Variants in TICRR observed in about 807,000 individuals in gnomAD.
The protein encoded by TICRR is treslin.
A neutral mutation model predicts 178.1 loss-of-function variants in TICRR; 132 were observed. That is an observed-to-expected ratio of 0.74 (90% CI 0.64 to 0.86). The LOEUF (loss-of-function observed/expected upper bound fraction) is 0.86. Ranked by LOEUF, TICRR falls within the 40% of genes least tolerant of loss-of-function variation. The pLI, the probability that TICRR is intolerant of heterozygous loss-of-function variation, is 0.00. For synonymous variants in TICRR, 991 were observed against 900.7 expected (o/e 1.10, Z -1.79); for missense variants, 2,587 against 2,334.3 (o/e 1.11, Z -2.23).
At chr15:89,601,591 T>G in intron 11 of TICRR, 23 bp downstream of exon 11, 1 of 1,613,042 alleles carries the variant, frequency 6.2e-7, no homozygotes, top group Non-Finnish European at 8.5e-7. Flanking sequence ...GTTACTAACT[T>G]AACTTTAAAA....
At position 89,576,852 on chromosome 15, in the gene TICRR, T is replaced by C. The variant is rs1481818144; in HGVS notation, c.654+612T>C. On this transcript the variant is annotated intron_variant, in intron 1 of 21. Coordinates refer to ENST00000268138, the MANE Select transcript of TICRR (RefSeq NM_152259.4). ...ATATATATATATATATATATATATA[T>C]ATATATATACACACACACACATATA... Among the ~76,000 whole-genome samples, 291 of 69,016 alleles carry C rather than the reference T, an allele frequency of 4.2e-3. 1 individual carries two copies. Among genetic ancestry groups the C allele is most frequent in the African/African-American group, 0.012 (274 of 22,544 alleles). The allele number at this position is 69,016 out of a possible 152,430, so 45.3% of individuals were successfully genotyped here.
intron 15 of TICRR, among the ~76,000 whole-genome samples, chr15:89,613,173 C>T (rs529971413): frequency 1.3e-5 from 2 of 152,206 alleles, no homozygotes; most frequent in Non-Finnish European, 2.9e-5. Context: ...GATGATTTCT[C>T]CTCATTTTTG....
In TICRR at chr15:89,625,964, G is replaced by C. The variant is rs745875002; in HGVS notation, c.5505G>C (p.Val1835=). 2 of 1,597,862 alleles carry C rather than the reference G, an allele frequency of 1.3e-6. No homozygotes were observed. The highest frequency in any genetic ancestry group is 2.3e-5 in the South Asian group (2 of 87,602). Residue 1835 remains valine (V), a synonymous_variant, in exon 21 of 22, where the codon GTG becomes GTC. Coordinates refer to ENST00000268138, the MANE Select transcript of TICRR (RefSeq NM_152259.4). ...CCACCCCACCTCCCAGCTGTGCCGT[G>C]CGGAGCTGCCTCTCTGCCAGTGCCC... is the stretch of plus-strand genomic sequence containing the variant. The part of the protein sequence containing the change: ...SGSTPPPSCA[V]RSCLSASALQ...
In TICRR at chr15:89,624,473, CCT is replaced by C. The variant is rs1963479123; in HGVS notation, c.4166_4167del (p.Ser1389Ter). 1 of 1,614,178 alleles carries C rather than the reference CCT, an allele frequency of 6.2e-7. No homozygotes were observed. Among genetic ancestry groups the C allele is most frequent in the Non-Finnish European group, 8.5e-7 (1 of 1,180,050 alleles). ...AAAGTTGGGAAACGGTGTAGAAAGA[CCT>C]CTGATCCCAGAAGGAGCATCGTGGA... On this transcript the variant is annotated frameshift_variant, in exon 20 of 22. Transcript: ENST00000268138. LOFTEE classifies it high-confidence loss of function.
Position 89,599,379 on chromosome 15 carries a change from T to C in TICRR, c.1956T>C (p.Thr652=), listed in dbSNP as rs764204327. The change falls in exon 8 of 22, where the codon ACT becomes ACC. Residue 652 remains threonine, a synonymous_variant. Transcript: ENST00000268138. The part of the protein sequence containing the change: ...LSYIRENYQK[T]VATGEIMLYA... ...ATATACGTGAAAATTACCAAAAGAC[T>C]GTGGCCACAGGAGAAATCATGTTGT... is the stretch of plus-strand genomic sequence containing the variant. 12 of 1,613,614 alleles carry C rather than the reference T, an allele frequency of 7.4e-6. No homozygotes were observed. The South Asian group carries it at 7.7e-5, about 10-fold the overall frequency.
intron 18 of TICRR, 43 bp from the exon 19 acceptor site, chr15:89,621,350 A>T: frequency 6.4e-7 from 1 of 1,573,652 alleles, no homozygotes; most frequent in Non-Finnish European, 8.6e-7. Context: ...GAAGAACAGG[A>T]ATTGAGAAAG....
At chr15:89,594,281 AT>A in intron 5 of TICRR, 133 bp from the exon 6 acceptor site, 1 of 675,038 alleles carries the variant, frequency 1.5e-6, no homozygotes, top group Non-Finnish European at 2.4e-6. Flanking sequence ...CTAAGAAAAT[AT>A]ATTTTTGAAG....
In TICRR at chr15:89,592,038, C is replaced by T. The variant is rs1962922196; in HGVS notation, c.1412-9C>T. The T allele has an allele frequency of 6.2e-7, 1 of 1,601,190 alleles. No individual in the cohort carries two copies. The highest frequency in any genetic ancestry group is 2.2e-5 in the East Asian group (1 of 44,724). On this transcript the variant is annotated splice_polypyrimidine_tract_variant and intron_variant, in intron 4 of 21. Coordinates refer to ENST00000268138, the MANE Select transcript of TICRR (RefSeq NM_152259.4). ...TTCCTCTCCTGCCGCTGCTCCTTTG[C>T]TCCAATAGCTTCTCCTGTTCCAGAG...
At position 89,575,635 on chromosome 15, in the gene TICRR, G is replaced by A. The variant is rs745870790; in HGVS notation, c.49G>A (p.Ala17Thr). 2 of 1,547,690 alleles carry A rather than the reference G, an allele frequency of 1.3e-6. No individual in the cohort carries two copies. The highest frequency in any genetic ancestry group is 2.3e-5 in the South Asian group (2 of 85,114). The change falls in exon 1 of 22, where the codon GCC (alanine) becomes ACC (threonine). Residue 17 changes from alanine to threonine, a missense_variant. Physicochemically the swap from Ala to Thr is moderately conservative, Grantham distance 58. Coordinates refer to ENST00000268138, the MANE Select transcript of TICRR (RefSeq NM_152259.4). The stretch of plus-strand genomic sequence containing the variant: ...GCTGCTGCTGGACACCGCGGGCGGC[G>A]CCGCCCGCCACAGCCGGGTCCGGCG... ...VMLLLDTAGG[A>T]ARHSRVRRAA...
intron 13 of TICRR, 149 bp downstream of exon 13, chr15:89,603,041 A>G (rs1963121888): frequency 2.4e-6 from 1 of 420,264 alleles, no homozygotes; most frequent in East Asian, 3.7e-5. Flanking sequence ...AGGAATAAAG[A>G]AATATAAACT....
rs938198813 is a variant in TICRR, at chr15:89,624,459, A to C, written c.4149A>C (p.Lys1383Asn). Residue 1383 changes from lysine (K) to asparagine (N), a missense_variant, in exon 20 of 22, where the codon AAA becomes AAC. Transcript: ENST00000268138. Reference protein sequence around the residue: ...VPPPPPSKVGKRCRKTSDPRR... With the variant: ...VPPPPPSKVGNRCRKTSDPRR... ...CTCCACCCCCTTCTAAAGTTGGGAA[A>C]CGGTGTAGAAAGACCTCTGATCCCA... 9 of 1,614,042 alleles carry C rather than the reference A, an allele frequency of 5.6e-6. No homozygotes were observed. The African/African-American group carries it at 6.7e-5, about 12-fold the overall frequency.
chr15:89,593,595 A>G (rs1286922473), intron 5 of TICRR, among the ~76,000 whole-genome samples: 2 of 152,214 alleles, frequency 1.3e-5, no homozygotes, highest in African/African-American at 2.4e-5. Flanking sequence ...AGTCCCAGCT[A>G]CTTGGGAGGC....
chr15:89,602,022 C>A (rs758049843), intron 12 of TICRR, 46 bp downstream of exon 12: 2 of 1,603,084 alleles, frequency 1.2e-6, no homozygotes, highest in Non-Finnish European at 8.5e-7. Context: ...TGTTATAGTT[C>A]TGATAAAAGA....
rs1364629654 is a variant in TICRR, at chr15:89,575,591, C to G, written c.5C>G (p.Ala2Gly). 7 of 1,491,274 alleles carry G rather than the reference C, an allele frequency of 4.7e-6. No individual in the cohort carries two copies. In the South Asian group the frequency reaches 9.3e-5, roughly 20 times the overall value. The allele number at this position is 1,491,274 out of a possible 1,614,324, so 92.4% of individuals were successfully genotyped here. A position where few individuals can be genotyped will look rare whatever the true frequency, so the allele number is the denominator to read the frequency against. Residue 2 changes from alanine (A) to glycine (G), a missense_variant, in exon 1 of 22, where the codon GCA (alanine) becomes GGA (glycine). Physicochemically the swap from Ala to Gly is moderately conservative, Grantham distance 60 (BLOSUM62 0). Transcript: ENST00000268138. M[A>G]CCHKVMLLLD... ...CGGGGCGGCGGCACGGCCGATATGGCATGCTGTCACAAAGTAATGCTGCTG... is the reference window on the plus strand; with the variant it reads ...CGGGGCGGCGGCACGGCCGATATGGGATGCTGTCACAAAGTAATGCTGCTG...
At chr15:89,596,145 G>C (rs1962994651) in intron 7 of TICRR, among the ~76,000 whole-genome samples, 1 of 152,100 alleles carries the variant, frequency 6.6e-6, no homozygotes, top group South Asian at 2.1e-4. Context: ...TTTTGACAAA[G>C]ATGCCCCAAT....
intron 1 of TICRR, 139 bp from the exon 2 acceptor site, chr15:89,582,546 AT>A (rs1962746086): frequency 5.2e-6 from 4 of 762,986 alleles, no homozygotes; most frequent in Non-Finnish European, 8.3e-6. Flanking sequence ...CATTATTTCT[AT>A]TTAGCTCAGC....
In TICRR at chr15:89,601,361, T is replaced by C. The variant is rs753366310; in HGVS notation, c.2217T>C (p.Ser739=). 2 of 1,614,058 alleles carry C rather than the reference T, an allele frequency of 1.2e-6. No individual in the cohort carries two copies. Among genetic ancestry groups the C allele is most frequent in the African/African-American group, 1.3e-5 (1 of 74,924 alleles). Reference sequence around the variant, plus strand: ...TGCAATGCCCTTCAATAAATGAAAGTACAGATGATATGGAACAAGTAGTGG... The same window carrying C: ...TGCAATGCCCTTCAATAAATGAAAGCACAGATGATATGGAACAAGTAGTGG... ...MCLQCPSINE[S]TDDMEQVVEE... The change falls in exon 10 of 22, where the codon AGT becomes AGC. Residue 739 remains serine, a synonymous_variant. Transcript: ENST00000268138.
rs1963538053 is a variant in TICRR at position 89,626,904 on chromosome 15, C to T, written c.5603-52C>T. ...CTCTGCAATTTAAGCCAATTTTTTTCAGTTCGGTCCTCTGTGACTCCTGCA... is the reference window on the plus strand; with the variant it reads ...CTCTGCAATTTAAGCCAATTTTTTTTAGTTCGGTCCTCTGTGACTCCTGCA... On this transcript the variant is annotated intron_variant, in intron 21 of 21. Transcript: ENST00000268138. The T allele has an allele frequency of 1.9e-6, 3 of 1,579,860 alleles. No homozygotes were observed. In the Admixed American group the frequency reaches 5.5e-5, roughly 29 times the overall value.
chr15:89,589,317 G>A (rs1448224849), intron 4 of TICRR, among the ~76,000 whole-genome samples: 2 of 152,160 alleles, frequency 1.3e-5, no homozygotes. Flanking sequence ...GAGTTTGGGG[G>A]GTAAGAAGGG....
Sources: gnomAD v4.1 joint callset for allele counts (sites outside exome capture counted in the v4.1 genomes callset) on GRCh38, gnomAD v4.1.1 for gene constraint, MANE v1.5 for transcripts, NCBI Gene and HGNC (gene_info 2026-07-23, HGNC 2026-07-21) for gene names.